Variants in LARS1 observed in about 807,000 individuals in gnomAD.
The protein encoded by LARS1 is leucyl-tRNA synthetase 1, also known as leucine--tRNA ligase, cytoplasmic.
Under a neutral mutation model 162.8 loss-of-function variants are expected in LARS1, and 100 were observed. The observed-to-expected ratio is 0.61, with a 90% CI of 0.52 to 0.73. The LOEUF (loss-of-function observed/expected upper bound fraction) is 0.73, where lower values mean the gene tolerates loss of function less well. Among genes scored for constraint, LARS1 ranks in the 30% least tolerant of loss-of-function variants. LARS1 has a pLI of 0.00. For missense variants in LARS1, 1,258 were observed against 1,408.9 expected (o/e 0.89, Z 1.71); for synonymous variants, 457 against 462.8 (o/e 0.99, Z 0.16).
At chr5:146,121,715 C>CT (rs1382460530) in intron 30 of LARS1, among the ~76,000 whole-genome samples, 10 of 152,174 alleles carry the variant, frequency 6.6e-5, no homozygotes, top group African/African-American at 2.4e-4. Context: ...TCTCCACAAA[C>CT]TAACACAGGA....
At chr5:146,168,098 A>G (rs753805529) in intron 5 of LARS1, 30 bp downstream of exon 5, 1 of 1,563,744 alleles carries the variant, frequency 6.4e-7, no homozygotes, top group Admixed American at 1.8e-5. Context: ...ATAAAACTTC[A>G]ACCAACATAA....
intron 7 of LARS1, 56 bp from the exon 8 acceptor site, chr5:146,159,526 C>A: frequency 7.5e-7 from 1 of 1,333,188 alleles, no homozygotes; most frequent in Non-Finnish European, 1.1e-6. Context: ...TTTTATCCTA[C>A]CATATTTGCC....
Position 146,151,921 on chromosome 5 carries a change from C to T in LARS1, c.1366G>A (p.Asp456Asn), listed in dbSNP as rs375917353. Residue 456 changes from aspartate (D) to asparagine (N), a missense_variant, in exon 14 of 32, where the codon GAC (aspartate) becomes AAC (asparagine). Coordinates refer to ENST00000394434, the MANE Select transcript of LARS1 (RefSeq NM_020117.11). ...TTTGCTTCTGCAAGTTTTTCCCGGT[C>T]ATTCTGGCTCTGAATTTTCAACTCA... is the stretch of plus-strand genomic sequence containing the variant. ...CDELKIQSQN[D>N]REKLAEAKEK... is the part of the protein sequence containing the mutation. 8.7e-6 allele frequency: 14 copies of T among 1,613,952 alleles called. No individual in the cohort carries two copies. In the African/African-American group the frequency reaches 1.7e-4, roughly 20 times the overall value.
In LARS1 at chr5:146,129,043, G is replaced by A; in HGVS notation, c.2704C>T (p.Leu902Phe). ...CTAAGGTCATGTGTTACTTCCATAA[G>A]ATACTGTGAGGAGTGTATTAAAACT... ...NEVLIHSSQY[L>F]MEVTHDLRLR... Residue 902 changes from leucine (L) to phenylalanine (F), a missense_variant, in exon 26 of 32, where the codon CTT becomes TTT. Transcript: ENST00000394434. 6.2e-7 allele frequency: 1 copy of A among 1,611,072 alleles called. No individual in the cohort carries two copies. Among genetic ancestry groups the A allele is most frequent in the Non-Finnish European group, 8.5e-7 (1 of 1,177,922 alleles).
intron 10 of LARS1, among the ~76,000 whole-genome samples, chr5:146,154,210 G>A (rs1381997105): frequency 6.6e-6 from 1 of 151,932 alleles, no homozygotes; most frequent in Non-Finnish European, 1.5e-5. Flanking sequence ...ATGTTGCCAA[G>A]GCTAGAGTGT....
At chr5:146,156,566 G>A (rs529079316) in intron 10 of LARS1, among the ~76,000 whole-genome samples, 4 of 152,036 alleles carry the variant, frequency 2.6e-5, no homozygotes, top group South Asian at 2.1e-4. Context: ...GTGGTGGCCC[G>A]CACCTGTAAT....
chr5:146,181,313 G>A (rs13176915), intron 1 of LARS1: 33,807 of 151,258 alleles, frequency 0.22, 4,834 homozygotes, highest in Admixed American at 0.34. Context: ...AGATCGCGCC[G>A]CTGCACTCCA....
chr5:146,152,403 G>T (rs1753335307), intron 13 of LARS1, among the ~76,000 whole-genome samples: 1 of 152,208 alleles, frequency 6.6e-6, no homozygotes, highest in South Asian at 2.1e-4. Context: ...AGCAGGAGGT[G>T]AGGAACGGGC....
intron 1 of LARS1, among the ~76,000 whole-genome samples, chr5:146,181,496 T>C (rs1319554308): frequency 6.6e-6 from 1 of 151,870 alleles, no homozygotes; most frequent in Non-Finnish European, 1.5e-5. Flanking sequence ...CTACTAAAAA[T>C]ACAAAAAATT....
rs192275064 is a variant in LARS1, at chr5:146,113,701, T to A, written c.*405A>T. On this transcript the variant is annotated 3_prime_UTR_variant, in exon 32 of 32. Transcript: ENST00000394434. ...CTGCTAATTTACTACTTTTCTTTTTTAAAAAAAAATACAGCTAACTCCATA... is the reference window on the plus strand; with the variant it reads ...CTGCTAATTTACTACTTTTCTTTTTAAAAAAAAAATACAGCTAACTCCATA... 9.5e-3 allele frequency: 1,464 copies of A among 154,170 alleles called. 10 individuals carry two copies. Among genetic ancestry groups the A allele is most frequent in the African/African-American group, 0.022 (906 of 41,430 alleles). The allele number at this position is 154,170 out of a possible 1,614,324, so 9.6% of individuals were successfully genotyped here. A position where few individuals can be genotyped will look rare whatever the true frequency, so the allele number is the denominator to read the frequency against.
intron 5 of LARS1, among the ~76,000 whole-genome samples, chr5:146,166,804 A>G (rs1754026938): frequency 6.6e-6 from 1 of 152,170 alleles, no homozygotes; most frequent in African/African-American, 2.4e-5. Context: ...GAAACACAGT[A>G]TTATTTCCAT....
At chr5:146,170,462 T>G (rs201008690) in intron 4 of LARS1, among the ~76,000 whole-genome samples, 1 of 145,272 alleles carries the variant, frequency 6.9e-6, no homozygotes, top group East Asian at 2.0e-4. Context: ...AGAGCAAGAT[T>G]CCGTCTCAAA....
intron 31 of LARS1, among the ~76,000 whole-genome samples, chr5:146,116,846 C>A (rs1751567857): frequency 6.6e-6 from 1 of 152,168 alleles, no homozygotes; most frequent in Admixed American, 6.5e-5. Context: ...ATACAACTGG[C>A]ACTAATTGGA....
intron 28 of LARS1, 106 bp downstream of exon 28, chr5:146,126,329 A>G: frequency 1.6e-6 from 1 of 626,254 alleles, no homozygotes; most frequent in Non-Finnish European, 2.8e-6. Context: ...GTGCTATTTT[A>G]GCAGATTTCT....
At chr5:146,134,804 C>T (rs1428381538) in intron 22 of LARS1, among the ~76,000 whole-genome samples, 1 of 152,088 alleles carries the variant, frequency 6.6e-6, no homozygotes, top group Admixed American at 6.5e-5. Flanking sequence ...CAAAAATTAG[C>T]CAAGCGTGCA....
At chr5:146,121,927 TAACA>T (rs769488882) in intron 30 of LARS1, among the ~76,000 whole-genome samples, 2 of 152,120 alleles carry the variant, frequency 1.3e-5, no homozygotes, top group Non-Finnish European at 2.9e-5. Context: ...TATACCTATG[TAACA>T]AACCTGCATG....
intron 22 of LARS1, among the ~76,000 whole-genome samples, chr5:146,133,470 A>G (rs3822623): frequency 0.22 from 33,850 of 152,116 alleles, 4,828 homozygotes; most frequent in Admixed American, 0.34. Context: ...ACATTTTAAT[A>G]CATGAGAATA....
chr5:146,160,600 T>C, intron 6 of LARS1, 114 bp from the exon 7 acceptor site: 1 of 498,522 alleles, frequency 2.0e-6, no homozygotes, highest in Non-Finnish European at 3.5e-6. Context: ...GATCAACTAT[T>C]AAAAATAATT....
At chr5:146,123,305 C>T (rs1751906275) in intron 29 of LARS1, among the ~76,000 whole-genome samples, 1 of 151,734 alleles carries the variant, frequency 6.6e-6, no homozygotes, top group South Asian at 2.1e-4. Context: ...TTCCTTTTGC[C>T]TAAGTTGTCT....
Sources: allele counts gnomAD v4.1 joint callset (sites outside exome capture counted in the v4.1 genomes callset), GRCh38; gene constraint gnomAD v4.1.1; transcripts MANE v1.5; gene names NCBI Gene and HGNC (gene_info 2026-07-23, HGNC 2026-07-21).